ACVR1: variants seen among roughly 807,000 people sequenced by gnomAD.
The protein encoded by ACVR1 is activin A receptor type 1.
A neutral mutation model predicts 57.1 loss-of-function variants in ACVR1; 38 were observed. The ratio of observed to expected loss-of-function variants is 0.67; its 90% CI spans 0.51 to 0.87. The LOEUF is 0.87. Ranked by LOEUF, ACVR1 falls within the 40% of genes least tolerant of loss-of-function variation. The pLI, the probability that ACVR1 is intolerant of heterozygous loss-of-function variation, is 0.00. For synonymous variants in ACVR1, 212 were observed against 228.1 expected, an observed-to-expected ratio of 0.93 and a Z score of 0.63; for missense variants, 463 against 638.2, an observed-to-expected ratio of 0.73 and a Z score of 2.96.
chr2:157,868,625 C>G (rs1690020810), intron 1 of ACVR1, among the ~76,000 whole-genome samples: 1 of 152,218 alleles, frequency 6.6e-6, no homozygotes. Flanking sequence ...AGATACCTCT[C>G]AAAATAACAT....
In ACVR1 at chr2:157,847,977, T is replaced by C. The variant is rs1210087320; in HGVS notation, c.-183+27819A>G. On this transcript the variant is annotated intron_variant, in intron 1 of 10. Coordinates refer to ENST00000434821, the MANE Select transcript of ACVR1 (RefSeq NM_001111067.4). ...CAGAGCTGCATTCTTAAAACTGTCA[T>C]GGTGTTCAACAACAAGGAGAGTTTG... 2.0e-5 allele frequency among the ~76,000 whole-genome samples: 3 copies of C among 152,278 alleles called. No individual in the cohort carries two copies. The South Asian group carries it at 6.2e-4, about 32-fold the overall frequency.
chr2:157,867,680 T>A (rs202087284), intron 1 of ACVR1, among the ~76,000 whole-genome samples: 1 of 386 alleles, frequency 2.6e-3, no homozygotes, highest in Admixed American at 0.17. Flanking sequence ...AGCAACCATG[T>A]TTTTTTTTTT....
chr2:157,864,313 T>C (rs541421694), intron 1 of ACVR1, among the ~76,000 whole-genome samples: 3 of 151,712 alleles, frequency 2.0e-5, no homozygotes, highest in South Asian at 4.2e-4. Context: ...CCTGTTCAAG[T>C]AATCCTCCCA....
chr2:157,870,756 A>G (rs1318813803), intron 1 of ACVR1, among the ~76,000 whole-genome samples: 4 of 152,260 alleles, frequency 2.6e-5, no homozygotes, highest in African/African-American at 9.6e-5. Context: ...AGAAAGAAAC[A>G]TATGCTGAAA....
At chr2:157,808,904 T>G (rs1248486511) in intron 2 of ACVR1, among the ~76,000 whole-genome samples, 5 of 143,606 alleles carry the variant, frequency 3.5e-5, no homozygotes, top group Non-Finnish European at 4.6e-5. Context: ...AAACAGAAAG[T>G]AGTAACATTT....
chr2:157,745,982 C>G (rs983179638), intron 9 of ACVR1, among the ~76,000 whole-genome samples: 4 of 152,196 alleles, frequency 2.6e-5, no homozygotes, highest in African/African-American at 9.6e-5. Context: ...AGAGGCACAA[C>G]TTGGTCAGCA....
chr2:157,773,513 G>GA (rs1221892999), intron 6 of ACVR1, among the ~76,000 whole-genome samples: 1 of 151,844 alleles, frequency 6.6e-6, no homozygotes, highest in Non-Finnish European at 1.5e-5. Context: ...GCTTAAAACT[G>GA]AAAAAAGGGA....
At chr2:157,792,629 G>C (rs1686960960) in intron 3 of ACVR1, among the ~76,000 whole-genome samples, 1 of 152,068 alleles carries the variant, frequency 6.6e-6, no homozygotes, top group African/African-American at 2.4e-5. Flanking sequence ...TTCAATATGG[G>C]GTATGACCCA....
intron 2 of ACVR1, among the ~76,000 whole-genome samples, chr2:157,801,337 T>C (rs1361847464): frequency 1.3e-5 from 2 of 152,192 alleles, no homozygotes; most frequent in Non-Finnish European, 2.9e-5. Context: ...TTACAGGTTA[T>C]ATTGGCTACT....
chr2:157,759,851 A>G (rs1685575485), intron 9 of ACVR1, among the ~76,000 whole-genome samples: 1 of 152,194 alleles, frequency 6.6e-6, no homozygotes, highest in African/African-American at 2.4e-5. Context: ...CCTCATGATC[A>G]TCTCAATATA....
chr2:157,795,428 A>AC (rs1687074950), intron 3 of ACVR1, among the ~76,000 whole-genome samples: 1 of 127,846 alleles, frequency 7.8e-6, no homozygotes, highest in African/African-American at 2.8e-5. Context: ...ACACACACAC[A>AC]AACACAATAG....
chr2:157,868,484 C>CAA (rs11287777), intron 1 of ACVR1, among the ~76,000 whole-genome samples: 2 of 140,024 alleles, frequency 1.4e-5, no homozygotes, highest in Non-Finnish European at 3.1e-5. Flanking sequence ...GACTCCATCT[C>CAA]AAAAAAAAAA....
At chr2:157,757,449 T>C (rs914702593) in intron 9 of ACVR1, among the ~76,000 whole-genome samples, 3 of 151,838 alleles carry the variant, frequency 2.0e-5, no homozygotes, top group Admixed American at 1.3e-4. Context: ...AGGCACATTA[T>C]AGTCAAACTT....
Position 157,820,268 on chromosome 2 carries a change from G to A in ACVR1, c.-182-1709C>T, listed in dbSNP as rs562986335. Among the ~76,000 whole-genome samples, 28 of 152,292 alleles carry A rather than the reference G, an allele frequency of 1.8e-4. No homozygotes were observed. The East Asian group carries it at 5.4e-3, about 29-fold the overall frequency. On this transcript the variant is annotated intron_variant, in intron 1 of 10. Transcript: ENST00000434821. ...AAGAGCAAAAATGCATTTCTAAAGT[G>A]GGCATCCTTAAAAACAAACTCGCAC...
intron 1 of ACVR1, among the ~76,000 whole-genome samples, chr2:157,869,140 C>A (rs1690033201): frequency 6.6e-6 from 1 of 152,182 alleles, no homozygotes; most frequent in Admixed American, 6.5e-5. Context: ...GCTCCTGCCA[C>A]CATTCTAAAT....
chr2:157,853,592 A>G (rs1488771744), intron 1 of ACVR1, among the ~76,000 whole-genome samples: 2 of 152,240 alleles, frequency 1.3e-5, no homozygotes, highest in African/African-American at 4.8e-5. Context: ...GCTGCTGCTC[A>G]TAACCGTTCC....
chr2:157,816,242 G>A (rs1221233850), intron 2 of ACVR1, among the ~76,000 whole-genome samples: 1 of 152,038 alleles, frequency 6.6e-6, no homozygotes, highest in Admixed American at 6.6e-5. Context: ...AAGAGAGAAG[G>A]GAAGAACTTT....
At position 157,737,777 on chromosome 2, in the gene ACVR1, T is replaced by TA. The variant is rs1432626481; in HGVS notation, c.1396-113dup. ...GAAGAACTCGCAGGTCTTGTGAAAT[T>TA]AGAGTTATGTTACTGTCATCTTCTT... is the stretch of plus-strand genomic sequence containing the variant. On this transcript the variant is annotated intron_variant, in intron 10 of 10. Transcript: ENST00000434821. 3.4e-5 allele frequency: 47 copies of TA among 1,372,780 alleles called. 1 individual carries two copies. The highest frequency in any genetic ancestry group is 2.6e-4 in the South Asian group (22 of 85,442). The allele number at this position is 1,372,780 out of a possible 1,614,324, so 85.0% of individuals were successfully genotyped here. A position where few individuals can be genotyped will look rare whatever the true frequency, so the allele number is the denominator to read the frequency against.
chr2:157,799,611 C>T (rs906434803), intron 2 of ACVR1, 111 bp from the exon 3 acceptor site: 1 of 780,782 alleles, frequency 1.3e-6, no homozygotes, highest in East Asian at 2.6e-5. Flanking sequence ...TACTAATCAC[C>T]CTCAGATATA....
Sources: allele counts gnomAD v4.1 joint callset (sites outside exome capture counted in the v4.1 genomes callset), GRCh38; gene constraint gnomAD v4.1.1; transcripts MANE v1.5; gene names NCBI Gene and HGNC (gene_info 2026-07-23, HGNC 2026-07-21).